CNTNAP4: variants seen among roughly 807,000 people sequenced by gnomAD.
CNTNAP4 encodes the protein contactin associated protein family member 4.
In CNTNAP4, 98 loss-of-function variants were observed where a neutral mutation model predicts 148.4. The ratio of observed to expected loss-of-function variants is 0.66; its 90% confidence interval spans 0.56 to 0.78. The LOEUF is 0.78. Ranked by LOEUF, CNTNAP4 falls within the 30% of genes least tolerant of loss-of-function variation. CNTNAP4 has a pLI of 0.00. For synonymous variants in CNTNAP4, 730 were observed against 565.1 expected (o/e 1.29, Z -4.14); for missense variants, 1,935 against 1,565.6 (o/e 1.24, Z -3.98).
At chr16:76,375,609 C>T (rs183726214) in intron 3 of CNTNAP4, among the ~76,000 whole-genome samples, 68 of 152,290 alleles carry the variant, frequency 4.5e-4, no homozygotes, top group African/African-American at 1.3e-3. Flanking sequence ...ATTCTCTTCT[C>T]TCCTCCATTG....
intron 1 of CNTNAP4, among the ~76,000 whole-genome samples, chr16:76,285,420 A>G (rs1316234448): frequency 1.3e-5 from 2 of 152,128 alleles, no homozygotes; most frequent in Non-Finnish European, 2.9e-5. Context: ...TTTATCTCCA[A>G]GGTTTTTAAA....
At chr16:76,314,684 T>G (rs1327848921) in intron 1 of CNTNAP4, among the ~76,000 whole-genome samples, 1 of 152,144 alleles carries the variant, frequency 6.6e-6, no homozygotes, top group Admixed American at 6.5e-5. Flanking sequence ...ACCATAAGCA[T>G]CTGGAGGCTA....
At chr16:76,426,063 T>A (rs2079386404) in intron 3 of CNTNAP4, among the ~76,000 whole-genome samples, 1 of 152,098 alleles carries the variant, frequency 6.6e-6, no homozygotes, top group African/African-American at 2.4e-5. Flanking sequence ...ATTTTGGATA[T>A]AATTTGGAGA....
In CNTNAP4 at chr16:76,417,497, C is replaced by G. The variant is rs570707234; in HGVS notation, c.391-9955C>G. On this transcript the variant is annotated intron_variant, in intron 3 of 23. Transcript: ENST00000611870. ...TATTCCTAACTTCTCCCTTACGTAC[C>G]TGACAACATTCATTTGTAATTTAGG... 9.9e-5 allele frequency among the ~76,000 whole-genome samples: 15 copies of G among 151,478 alleles called. 1 individual carries two copies. In the East Asian group the frequency reaches 2.1e-3, roughly 22 times the overall value.
intron 4 of CNTNAP4, among the ~76,000 whole-genome samples, chr16:76,442,168 G>A (rs1278023997): frequency 6.6e-6 from 1 of 152,028 alleles, no homozygotes; most frequent in Non-Finnish European, 1.5e-5. Context: ...GGGAGAGAGG[G>A]AAAGAAAGGA....
chr16:76,486,707 T>C (rs2082042073), intron 12 of CNTNAP4, among the ~76,000 whole-genome samples: 1 of 152,228 alleles, frequency 6.6e-6, no homozygotes. Context: ...CTAAGGACTG[T>C]ACCTTCTCTC....
chr16:76,512,072 A>C (rs2144009805), intron 15 of CNTNAP4, among the ~76,000 whole-genome samples: 1 of 152,298 alleles, frequency 6.6e-6, no homozygotes, highest in South Asian at 2.1e-4. Context: ...AAGGCCAGAT[A>C]AACCACACAG....
chr16:76,440,182 G>C (rs962790646), intron 4 of CNTNAP4, among the ~76,000 whole-genome samples: 1 of 151,848 alleles, frequency 6.6e-6, no homozygotes, highest in Non-Finnish European at 1.5e-5. Context: ...TTTTTTCTCT[G>C]ATCTTTGACA....
chr16:76,367,606 T>C (rs1413471613), intron 3 of CNTNAP4, among the ~76,000 whole-genome samples: 5 of 152,212 alleles, frequency 3.3e-5, no homozygotes, highest in Admixed American at 3.3e-4. Context: ...ACATATTTAC[T>C]TAGATTTAAA....
At chr16:76,464,886 T>C (rs943298151) in intron 9 of CNTNAP4, among the ~76,000 whole-genome samples, 1 of 152,244 alleles carries the variant, frequency 6.6e-6, no homozygotes, top group Non-Finnish European at 1.5e-5. Flanking sequence ...GCTTTTATCA[T>C]TTATAAATTA....
At chr16:76,363,465 A>G (rs1474125377) in intron 3 of CNTNAP4, among the ~76,000 whole-genome samples, 2 of 152,032 alleles carry the variant, frequency 1.3e-5, no homozygotes, top group East Asian at 3.9e-4. Flanking sequence ...CCCAGCCTGG[A>G]CCCTTATACC....
chr16:76,537,400 T>C (rs182637664), intron 18 of CNTNAP4, among the ~76,000 whole-genome samples: 2 of 152,254 alleles, frequency 1.3e-5, no homozygotes, highest in South Asian at 2.1e-4. Flanking sequence ...TTAAAACTAG[T>C]TATTTCTTCT....
chr16:76,289,850 C>T (rs573624294), intron 1 of CNTNAP4, among the ~76,000 whole-genome samples: 1 of 152,258 alleles, frequency 6.6e-6, no homozygotes, highest in African/African-American at 2.4e-5. Context: ...GGATTACAGG[C>T]ATGAACCACC....
chr16:76,308,880 A>G (rs563747249), intron 1 of CNTNAP4, among the ~76,000 whole-genome samples: 1 of 152,044 alleles, frequency 6.6e-6, no homozygotes, highest in South Asian at 2.1e-4. Flanking sequence ...GCTGGTGTGC[A>G]GTGGTGCGAT....
chr16:76,321,829 A>T (rs1290412317), intron 2 of CNTNAP4, among the ~76,000 whole-genome samples: 1 of 151,500 alleles, frequency 6.6e-6, no homozygotes, highest in Non-Finnish European at 1.5e-5. Context: ...TTAAATTTTT[A>T]AAATGATAGT....
intron 3 of CNTNAP4, among the ~76,000 whole-genome samples, chr16:76,419,221 T>G (rs1293498657): frequency 6.6e-6 from 1 of 151,978 alleles, no homozygotes; most frequent in Admixed American, 6.6e-5. Context: ...ACGCTCTGAC[T>G]CCTGTTGCTT....
chr16:76,440,314 A>G (rs544460698), intron 4 of CNTNAP4, among the ~76,000 whole-genome samples: 12 of 152,104 alleles, frequency 7.9e-5, no homozygotes, highest in Non-Finnish European at 1.6e-4. Flanking sequence ...ATTATTTAAA[A>G]ATTGATTTTC....
At chr16:76,434,901 A>T (rs2079761110) in intron 4 of CNTNAP4, among the ~76,000 whole-genome samples, 1 of 151,978 alleles carries the variant, frequency 6.6e-6, no homozygotes, top group African/African-American at 2.4e-5. Context: ...TAATCACCTG[A>T]CCTCCATAAG....
At chr16:76,397,649 A>G (rs577285005) in intron 3 of CNTNAP4, among the ~76,000 whole-genome samples, 1 of 151,962 alleles carries the variant, frequency 6.6e-6, no homozygotes, top group Non-Finnish European at 1.5e-5. Flanking sequence ...TCTGATGCAT[A>G]CTAAATAAAG....
Sources: allele counts gnomAD v4.1 joint callset (sites outside exome capture counted in the v4.1 genomes callset), GRCh38; gene constraint gnomAD v4.1.1; transcripts MANE v1.5; gene names NCBI Gene and HGNC (gene_info 2026-07-23, HGNC 2026-07-21).